The following ASIC2 variants were observed in gnomAD, a reference collection of about 807,000 sequenced individuals.
ASIC2 encodes the protein acid sensing ion channel subunit 2.
In ASIC2, 25 loss-of-function variants were observed where a neutral mutation model predicts 57.3. The observed-to-expected ratio is 0.44, with a 90% CI of 0.32 to 0.61. The LOEUF (loss-of-function observed/expected upper bound fraction) is 0.61. ASIC2 is among the 20% of genes least tolerant of loss of function. The pLI, the probability that ASIC2 is intolerant of heterozygous loss-of-function variation, is 0.06. For synonymous variants in ASIC2, 319 were observed against 307.5 expected (o/e 1.04, Z -0.39); for missense variants, 641 against 738.1 (o/e 0.87, Z 1.52).
intron 1 of ASIC2, among the ~76,000 whole-genome samples, chr17:33,887,510 T>C (rs1380287559): frequency 6.6e-6 from 1 of 152,154 alleles, no homozygotes; most frequent in African/African-American, 2.4e-5. Context: ...AAGGGACTTG[T>C]AGCTTTAAGG....
At chr17:33,579,451 A>C (rs1008111126) in intron 1 of ASIC2, among the ~76,000 whole-genome samples, 57 of 152,132 alleles carry the variant, frequency 3.7e-4, no homozygotes, top group African/African-American at 1.3e-3. Flanking sequence ...CGGGGTACCC[A>C]TCCAGTTTAT....
At chr17:33,016,861 C>T (rs2091808788) in intron 8 of ASIC2, among the ~76,000 whole-genome samples, 1 of 152,154 alleles carries the variant, frequency 6.6e-6, no homozygotes, top group Non-Finnish European at 1.5e-5. Context: ...AAGTGCATTG[C>T]CCATCTCACA....
At chr17:34,155,853 T>C (rs1904699688) in intron 1 of ASIC2, 2 of 1,130,646 alleles carry the variant, frequency 1.8e-6, no homozygotes, top group East Asian at 2.5e-5. Flanking sequence ...CCTCGTGGCC[T>C]TCAGGTGAGG....
chr17:33,301,118 C>T (rs1905942663), intron 1 of ASIC2, among the ~76,000 whole-genome samples: 1 of 151,946 alleles, frequency 6.6e-6, no homozygotes, highest in East Asian at 1.9e-4. Flanking sequence ...CAACCTCCGC[C>T]TCCTCAGTTC....
At position 33,501,212 on chromosome 17, in the gene ASIC2, A is replaced by T. The variant is rs189949800; in HGVS notation, c.556-389145T>A. Among the ~76,000 whole-genome samples, 248 of 152,386 alleles carry T rather than the reference A, an allele frequency of 1.6e-3. 2 individuals carry two copies. Among genetic ancestry groups the T allele is most frequent in the South Asian group, 7.9e-3 (38 of 4,826 alleles). On this transcript the variant is annotated intron_variant, in intron 1 of 9. Transcript: ENST00000359872. The stretch of plus-strand genomic sequence containing the variant: ...GACACGTGATGCCGGCTAAATAAAA[A>T]TGATTTTCAACCTCCAGAAAGTATC...
At chr17:34,133,127 T>C (rs1303259786) in intron 1 of ASIC2, among the ~76,000 whole-genome samples, 1 of 152,260 alleles carries the variant, frequency 6.6e-6, no homozygotes, top group Non-Finnish European at 1.5e-5. Context: ...TTTAATTAAA[T>C]GTTCATACTG....
intron 1 of ASIC2, among the ~76,000 whole-genome samples, chr17:33,439,478 T>C (rs937986279): frequency 1.3e-5 from 2 of 152,184 alleles, no homozygotes; most frequent in African/African-American, 2.4e-5. Flanking sequence ...AGGGATATCA[T>C]AGGGGTTCCA....
intron 1 of ASIC2, among the ~76,000 whole-genome samples, chr17:33,548,969 T>C (rs932525786): frequency 6.6e-5 from 10 of 152,164 alleles, no homozygotes; most frequent in African/African-American, 2.4e-4. Context: ...CAGTGCTTTA[T>C]TTTACCCCCA....
intron 1 of ASIC2, among the ~76,000 whole-genome samples, chr17:33,719,125 C>T (rs758538034): frequency 1.2e-4 from 18 of 152,266 alleles, no homozygotes; most frequent in Non-Finnish European, 2.5e-4. Flanking sequence ...TTAATTTTCA[C>T]ACAGTATTGC....
intron 1 of ASIC2, among the ~76,000 whole-genome samples, chr17:33,270,521 C>T (rs7501952): frequency 0.091 from 13,922 of 152,242 alleles, 821 homozygotes; most frequent in South Asian, 0.23. Flanking sequence ...GTCCCAAATG[C>T]ATGTGAGCTG....
chr17:34,133,680 T>G (rs1356471261), intron 1 of ASIC2, among the ~76,000 whole-genome samples: 1 of 152,242 alleles, frequency 6.6e-6, no homozygotes, highest in Non-Finnish European at 1.5e-5. Flanking sequence ...TGGGCCTCAC[T>G]GTGTCTGCTA....
intron 1 of ASIC2, among the ~76,000 whole-genome samples, chr17:33,959,409 T>C (rs1309674617): frequency 1.3e-5 from 2 of 152,226 alleles, no homozygotes; most frequent in Admixed American, 6.5e-5. Flanking sequence ...TTAAGGAGCA[T>C]TGACTCAGAC....
intron 1 of ASIC2, among the ~76,000 whole-genome samples, chr17:33,282,057 T>TG (rs1435034190): frequency 6.6e-6 from 1 of 152,262 alleles, no homozygotes; most frequent in Non-Finnish European, 1.5e-5. Flanking sequence ...TTCATTTTTT[T>TG]GAATTTTGGA....
chr17:33,263,476 G>A (rs1909355523), intron 1 of ASIC2, among the ~76,000 whole-genome samples: 1 of 152,216 alleles, frequency 6.6e-6, no homozygotes, highest in Non-Finnish European at 1.5e-5. Flanking sequence ...CTGGTGCTGA[G>A]CAGGGGAGGA....
chr17:33,870,059 GC>G (rs1914352598), intron 1 of ASIC2, among the ~76,000 whole-genome samples: 1 of 151,960 alleles, frequency 6.6e-6, no homozygotes, highest in African/African-American at 2.4e-5. Context: ...TGCATCTCTT[GC>G]TCTGATGGAG....
intron 1 of ASIC2, among the ~76,000 whole-genome samples, chr17:34,053,673 GAC>G (rs753038558): frequency 6.6e-6 from 1 of 152,208 alleles, no homozygotes; most frequent in Non-Finnish European, 1.5e-5. Context: ...GAAATTGAGA[GAC>G]AGAGAAATTA....
At chr17:33,805,287 G>A (rs763193928) in intron 1 of ASIC2, among the ~76,000 whole-genome samples, 84 of 152,180 alleles carry the variant, frequency 5.5e-4, no homozygotes, top group Non-Finnish European at 9.1e-4. Context: ...GTTCTGCCAT[G>A]TCTGTTGATT....
intron 1 of ASIC2, among the ~76,000 whole-genome samples, chr17:33,905,067 T>G (rs1449787948): frequency 6.6e-6 from 1 of 151,912 alleles, no homozygotes; most frequent in Non-Finnish European, 1.5e-5. Context: ...AAATGTTTCT[T>G]ATGGAATAAA....
chr17:33,633,964 T>C (rs2142028883), intron 1 of ASIC2, among the ~76,000 whole-genome samples: 1 of 152,316 alleles, frequency 6.6e-6, no homozygotes, highest in African/African-American at 2.4e-5. Context: ...CTTTGTGCCT[T>C]AATCTGTGTC....
Sources: allele counts gnomAD v4.1 joint callset (sites outside exome capture counted in the v4.1 genomes callset), GRCh38; gene constraint gnomAD v4.1.1; transcripts MANE v1.5; gene names NCBI Gene and HGNC (gene_info 2026-07-23, HGNC 2026-07-21).